CADM2: variants seen among roughly 807,000 people sequenced by gnomAD.
CADM2 encodes the protein immunoglobulin superfamily member 4D.
A neutral mutation model predicts 49.8 loss-of-function variants in CADM2; 12 were observed. The observed-to-expected ratio is 0.24, with a 90% CI of 0.15 to 0.39. CADM2 has a LOEUF of 0.39. Ranked by LOEUF, CADM2 falls within the 10% of genes least tolerant of loss-of-function variation. CADM2 has a pLI of 1.00. For missense variants in CADM2, 378 were observed against 492.3 expected, an observed-to-expected ratio of 0.77 and a Z score of 2.20; for synonymous variants, 214 against 175.4, an observed-to-expected ratio of 1.22 and a Z score of -1.74.
At chr3:86,025,701 A>T (rs1733828534) in intron 8 of CADM2, among the ~76,000 whole-genome samples, 2 of 152,302 alleles carry the variant, frequency 1.3e-5, no homozygotes, top group South Asian at 4.1e-4. Flanking sequence ...TTATTATGTA[A>T]ATTTAAAAAT....
At chr3:85,523,605 A>T (rs188294082) in intron 1 of CADM2, among the ~76,000 whole-genome samples, 1 of 151,866 alleles carries the variant, frequency 6.6e-6, no homozygotes, top group South Asian at 2.1e-4. Flanking sequence ...TGGAGCTTCA[A>T]TTACAACAAT....
intron 1 of CADM2, among the ~76,000 whole-genome samples, chr3:85,003,985 A>G (rs1311346264): frequency 6.6e-6 from 1 of 152,106 alleles, no homozygotes; most frequent in African/African-American, 2.4e-5. Flanking sequence ...TAGTAACCCT[A>G]TTGATAGTAT....
chr3:85,406,018 T>C (rs905723565), intron 1 of CADM2, among the ~76,000 whole-genome samples: 3 of 151,986 alleles, frequency 2.0e-5, no homozygotes, highest in Non-Finnish European at 2.9e-5. Flanking sequence ...GCATTATATA[T>C]AGAGAAAAAT....
chr3:85,162,359 C>A (rs905795875), intron 1 of CADM2, among the ~76,000 whole-genome samples: 21 of 152,000 alleles, frequency 1.4e-4, no homozygotes, highest in Non-Finnish European at 2.9e-4. Context: ...ACCAATTGTT[C>A]CTGATCATTA....
intron 1 of CADM2, among the ~76,000 whole-genome samples, chr3:85,027,488 C>T (rs1425021505): frequency 6.6e-6 from 1 of 151,960 alleles, no homozygotes; most frequent in Admixed American, 6.5e-5. Context: ...TTTTAATATT[C>T]TATAAATATA....
At chr3:85,556,733 G>A (rs2107152352) in intron 1 of CADM2, among the ~76,000 whole-genome samples, 1 of 152,144 alleles carries the variant, frequency 6.6e-6, no homozygotes, top group Middle Eastern at 3.4e-3. Context: ...CAGCAGTACA[G>A]GAAATCATTT....
chr3:85,463,979 G>T (rs1049918335), intron 1 of CADM2, among the ~76,000 whole-genome samples: 3 of 152,036 alleles, frequency 2.0e-5, no homozygotes, highest in Non-Finnish European at 2.9e-5. Context: ...CTCTAAATTC[G>T]AAAGATCATA....
intron 1 of CADM2, among the ~76,000 whole-genome samples, chr3:85,062,116 G>A (rs547578919): frequency 2.0e-5 from 3 of 149,006 alleles, no homozygotes; most frequent in South Asian, 2.1e-4. Context: ...ACACACACAC[G>A]GAAACTCTAT....
At chr3:85,885,167 A>G (rs930022392) in intron 4 of CADM2, among the ~76,000 whole-genome samples, 1 of 152,112 alleles carries the variant, frequency 6.6e-6, no homozygotes, top group Non-Finnish European at 1.5e-5. Flanking sequence ...ACCTTTTAAA[A>G]TTTCTACACT....
intron 8 of CADM2, among the ~76,000 whole-genome samples, chr3:86,030,872 C>T (rs755745070): frequency 1.2e-4 from 18 of 151,852 alleles, no homozygotes; most frequent in Non-Finnish European, 2.2e-4. Flanking sequence ...ATTTCAAATG[C>T]CAGTTACTTT....
chr3:86,021,220 G>A (rs1380959981), intron 8 of CADM2, among the ~76,000 whole-genome samples: 5 of 152,054 alleles, frequency 3.3e-5, no homozygotes, highest in African/African-American at 4.8e-5. Context: ...GGCTGGTCTC[G>A]AACTCCTGAC....
chr3:85,971,427 G>C (rs1726120013), intron 8 of CADM2, among the ~76,000 whole-genome samples: 1 of 151,644 alleles, frequency 6.6e-6, no homozygotes, highest in Admixed American at 6.6e-5. Flanking sequence ...CATGCAAAAT[G>C]GCTCTCAGCT....
intron 6 of CADM2, among the ~76,000 whole-genome samples, chr3:85,931,900 T>G (rs1720648899): frequency 6.6e-6 from 1 of 151,168 alleles, no homozygotes; most frequent in Non-Finnish European, 1.5e-5. Flanking sequence ...AAATTTTTAT[T>G]TTAAATTTAT....
intron 1 of CADM2, among the ~76,000 whole-genome samples, chr3:85,499,571 C>G (rs7640261): frequency 0.2 from 30,005 of 151,150 alleles, 3,774 homozygotes; most frequent in East Asian, 0.3. Context: ...AATAATCTAT[C>G]AAGTAGTAAT....
At chr3:85,131,881 C>T (rs774861013) in intron 1 of CADM2, among the ~76,000 whole-genome samples, 1 of 128,378 alleles carries the variant, frequency 7.8e-6, no homozygotes, top group African/African-American at 3.0e-5. Flanking sequence ...AACAATGTGG[C>T]TGTATAAAAA....
At chr3:85,113,955 C>T (rs2038552332) in intron 1 of CADM2, among the ~76,000 whole-genome samples, 2 of 152,024 alleles carry the variant, frequency 1.3e-5, no homozygotes, top group Non-Finnish European at 2.9e-5. Flanking sequence ...AGCAATTTCC[C>T]CTCCACTATA....
At chr3:85,355,677 C>A (rs945944497) in intron 1 of CADM2, among the ~76,000 whole-genome samples, 1 of 151,974 alleles carries the variant, frequency 6.6e-6, no homozygotes, top group African/African-American at 2.4e-5. Flanking sequence ...CATAGAGTTG[C>A]GATGTCAGAT....
chr3:85,578,010 TCC>T (rs2062689067), intron 1 of CADM2, among the ~76,000 whole-genome samples: 1 of 151,104 alleles, frequency 6.6e-6, no homozygotes, highest in Non-Finnish European at 1.5e-5. Flanking sequence ...CTTCCTTCCT[TCC>T]TTCCTTCCTT....
In CADM2 at chr3:85,507,048, C is replaced by T. The variant is rs554587515; in HGVS notation, c.62-219474C>T. ...AGTAAAATAAATGTATGAAGGTAAC[C>T]AGGAGAATGTGTTTCCAAGTTTGTA... On this transcript the variant is annotated intron_variant, in intron 1 of 9. Coordinates refer to ENST00000383699, the MANE Select transcript of CADM2 (RefSeq NM_001167675.2). 1.9e-3 allele frequency among the ~76,000 whole-genome samples: 294 copies of T among 151,996 alleles called. 2 individuals carry two copies. The highest frequency in any genetic ancestry group is 6.8e-3 in the African/African-American group (280 of 41,420).
Sources: allele counts gnomAD v4.1 joint callset (sites outside exome capture counted in the v4.1 genomes callset), GRCh38; gene constraint gnomAD v4.1.1; transcripts MANE v1.5; gene names NCBI Gene and HGNC (gene_info 2026-07-23, HGNC 2026-07-21).